The following FBXL17 variants were observed in gnomAD, a reference collection of about 807,000 sequenced individuals.
FBXL17 encodes F-box/LRR-repeat protein 17.
A neutral mutation model predicts 66.2 loss-of-function variants in FBXL17; 22 were observed. The observed-to-expected ratio is 0.33, with a 90% CI of 0.24 to 0.47. FBXL17 has a LOEUF of 0.47. FBXL17 is among the 20% of genes least tolerant of loss of function. The pLI is 1.00. For synonymous variants in FBXL17, 474 were observed against 400.5 expected (o/e 1.18, Z -2.19); for missense variants, 878 against 948.2 (o/e 0.93, Z 0.97).
rs142032395 is a variant in FBXL17, at chr5:108,062,198, A to G, written c.1746-41197T>C. On this transcript the variant is annotated intron_variant, in intron 6 of 8. Coordinates refer to ENST00000542267, the MANE Select transcript of FBXL17 (RefSeq NM_001163315.3). ...AAAGTTGGGCTCAACTGCTTTTATA[A>G]TGAGCTACAAGCAGAAGGTACATTC... Among the ~76,000 whole-genome samples the G allele has an allele frequency of 1.0e-3, 156 of 152,194 alleles. 1 individual carries two copies. The highest frequency in any genetic ancestry group is 3.7e-3 in the African/African-American group (155 of 41,550).
At chr5:108,249,565 CT>C (rs1166266754) in intron 4 of FBXL17, among the ~76,000 whole-genome samples, 1 of 152,114 alleles carries the variant, frequency 6.6e-6, no homozygotes, top group Non-Finnish European at 1.5e-5. Context: ...GCTTGTTGCT[CT>C]GCAACCTTTG....
At chr5:108,252,838 T>C (rs957709065) in intron 4 of FBXL17, among the ~76,000 whole-genome samples, 1 of 152,198 alleles carries the variant, frequency 6.6e-6, no homozygotes, top group Non-Finnish European at 1.5e-5. Context: ...CTGCCATTCC[T>C]TATGCTCTAA....
intron 6 of FBXL17, among the ~76,000 whole-genome samples, chr5:108,141,356 C>T (rs1008077452): frequency 6.6e-6 from 1 of 152,144 alleles, no homozygotes; most frequent in South Asian, 2.1e-4. Context: ...CATTCCTTTT[C>T]CTATTGTCAA....
intron 4 of FBXL17, among the ~76,000 whole-genome samples, chr5:108,326,741 TGA>T (rs958429774): frequency 6.6e-6 from 1 of 152,130 alleles, no homozygotes; most frequent in African/African-American, 2.4e-5. Context: ...ATACACTCAC[TGA>T]GAGTCAAAAC....
intron 7 of FBXL17, among the ~76,000 whole-genome samples, chr5:107,934,296 T>C (rs1750827583): frequency 6.6e-6 from 1 of 152,124 alleles, no homozygotes; most frequent in Non-Finnish European, 1.5e-5. Flanking sequence ...ACAATTCTAG[T>C]TAAAAATCAT....
At chr5:107,902,676 G>T (rs1343792637) in intron 7 of FBXL17, among the ~76,000 whole-genome samples, 1 of 152,096 alleles carries the variant, frequency 6.6e-6, no homozygotes, top group Non-Finnish European at 1.5e-5. Flanking sequence ...TACTCTTGGA[G>T]ACCATCTAAA....
intron 4 of FBXL17, among the ~76,000 whole-genome samples, chr5:108,279,988 T>G (rs1448306138): frequency 6.6e-6 from 1 of 152,024 alleles, no homozygotes; most frequent in African/African-American, 2.4e-5. Flanking sequence ...GTGAAGCAAC[T>G]GAACTTATGA....
At chr5:108,256,426 CGTTT>C (rs1399838832) in intron 4 of FBXL17, among the ~76,000 whole-genome samples, 7 of 151,966 alleles carry the variant, frequency 4.6e-5, no homozygotes, top group South Asian at 2.1e-4. Context: ...AACTCCAAAA[CGTTT>C]GTTTAAAAAA....
Position 108,366,297 on chromosome 5 carries a change from C to T in FBXL17, c.1117-1302G>A, listed in dbSNP as rs368316498. Among the ~76,000 whole-genome samples the T allele has an allele frequency of 2.4e-4, 37 of 152,160 alleles. No individual in the cohort carries two copies. The South Asian group carries it at 7.5e-3, about 31-fold the overall frequency. ...CTACATATTCTGTGCCCAATCACCA[C>T]ATTTCCAAAATACAAAACAAAGTTA... On this transcript the variant is annotated intron_variant, in intron 2 of 8. Transcript: ENST00000542267.
At chr5:107,915,436 G>C (rs911499865) in intron 7 of FBXL17, among the ~76,000 whole-genome samples, 19 of 152,140 alleles carry the variant, frequency 1.2e-4, no homozygotes, top group Non-Finnish European at 2.6e-4. Context: ...CGTTTTCCCA[G>C]ACTGGGTAAG....
chr5:108,267,396 C>T (rs1757086627), intron 4 of FBXL17, among the ~76,000 whole-genome samples: 1 of 151,928 alleles, frequency 6.6e-6, no homozygotes, highest in African/African-American at 2.4e-5. Context: ...TTATATAAGA[C>T]ATTAACAAAT....
intron 6 of FBXL17, among the ~76,000 whole-genome samples, chr5:108,073,211 A>T (rs1451871872): frequency 1.3e-5 from 2 of 152,194 alleles, no homozygotes; most frequent in Admixed American, 1.3e-4. Flanking sequence ...AATGGATAAA[A>T]ATCGGAAAAA....
At chr5:108,326,625 A>T (rs1378485149) in intron 4 of FBXL17, among the ~76,000 whole-genome samples, 1 of 152,016 alleles carries the variant, frequency 6.6e-6, no homozygotes, top group African/African-American at 2.4e-5. Flanking sequence ...AAAAAGCAAA[A>T]GATTTGAAAA....
At chr5:108,059,608 T>C (rs908875976) in intron 6 of FBXL17, among the ~76,000 whole-genome samples, 1 of 152,188 alleles carries the variant, frequency 6.6e-6, no homozygotes, top group Admixed American at 6.5e-5. Flanking sequence ...CTCAGGATAC[T>C]CTTGTTCTCT....
chr5:108,140,942 C>A (rs1751325654), intron 6 of FBXL17, among the ~76,000 whole-genome samples: 1 of 151,996 alleles, frequency 6.6e-6, no homozygotes, highest in Non-Finnish European at 1.5e-5. Flanking sequence ...TAGGTATTGT[C>A]ATCCCTTGGC....
chr5:108,298,268 A>G (rs1758431423), intron 4 of FBXL17: 1 of 984,772 alleles, frequency 1.0e-6, no homozygotes, highest in South Asian at 4.7e-5. Flanking sequence ...TCTTACTACT[A>G]TGTGAACAAG....
At chr5:108,253,946 G>A (rs117879861) in intron 4 of FBXL17, among the ~76,000 whole-genome samples, 1,923 of 152,064 alleles carry the variant, frequency 0.013, 42 homozygotes, top group East Asian at 0.1. Flanking sequence ...TGAGTGGAGT[G>A]GGAGGCCACA....
chr5:107,946,128 G>T (rs1281300372), intron 7 of FBXL17, among the ~76,000 whole-genome samples: 6 of 150,540 alleles, frequency 4.0e-5, no homozygotes, highest in Non-Finnish European at 4.4e-5. Flanking sequence ...AGTATTATTA[G>T]ATTGGCTAGT....
Position 108,282,188 on chromosome 5 carries a change from C to T in FBXL17, c.1507-57960G>A, listed in dbSNP as rs908590644. 3.3e-5 allele frequency among the ~76,000 whole-genome samples: 5 copies of T among 151,786 alleles called. No homozygotes were observed. The East Asian group carries it at 9.6e-4, about 29-fold the overall frequency. Reference sequence around the variant, plus strand: ...ACTCACTATATGAATCCAGTATCATCCTGATACCAAAAATGAAAGACACAA... The same window carrying T: ...ACTCACTATATGAATCCAGTATCATTCTGATACCAAAAATGAAAGACACAA... On this transcript the variant is annotated intron_variant, in intron 4 of 8. Coordinates refer to ENST00000542267, the MANE Select transcript of FBXL17 (RefSeq NM_001163315.3).
Sources: allele counts gnomAD v4.1 joint callset (sites outside exome capture counted in the v4.1 genomes callset), GRCh38; gene constraint gnomAD v4.1.1; transcripts MANE v1.5; gene names NCBI Gene and HGNC (gene_info 2026-07-23, HGNC 2026-07-21).